Variants in TMEM108 observed in about 807,000 individuals in gnomAD.
TMEM108 encodes the protein cancer/testis antigen 124.
TMEM108 carries 12 observed loss-of-function variants against 35.1 expected under a neutral mutation model. The ratio of observed to expected loss-of-function variants is 0.34; its 90% CI spans 0.22 to 0.55. The LOEUF is 0.55. Among genes scored for constraint, TMEM108 ranks in the 20% least tolerant of loss-of-function variants. The pLI, the probability that TMEM108 is intolerant of heterozygous loss-of-function variation, is 0.89. For missense variants in TMEM108, 680 were observed against 753.3 expected (o/e 0.90, Z 1.14); for synonymous variants, 287 against 308.6 (o/e 0.93, Z 0.73).
intron 3 of TMEM108, among the ~76,000 whole-genome samples, chr3:133,336,056 A>G (rs1383144627): frequency 6.6e-6 from 1 of 152,134 alleles, no homozygotes; most frequent in East Asian, 1.9e-4. Context: ...AGTAGTTGGA[A>G]CTTGAGTTCT....
intron 2 of TMEM108, among the ~76,000 whole-genome samples, chr3:133,163,359 G>A (rs1237844286): frequency 2.0e-5 from 3 of 152,208 alleles, no homozygotes; most frequent in African/African-American, 7.2e-5. Flanking sequence ...CAAGAGAAGT[G>A]TGGGAACTAC....
intron 2 of TMEM108, among the ~76,000 whole-genome samples, chr3:133,161,888 A>C (rs1031609232): frequency 1.3e-5 from 2 of 152,154 alleles, no homozygotes; most frequent in Non-Finnish European, 2.9e-5. Flanking sequence ...AAGTGTCTTC[A>C]GGTGCTGTTG....
intron 2 of TMEM108, among the ~76,000 whole-genome samples, chr3:133,137,647 A>T (rs1944583490): frequency 6.6e-6 from 1 of 152,168 alleles, no homozygotes; most frequent in African/African-American, 2.4e-5. Context: ...CCTTGTCACA[A>T]GGATAGATTA....
At chr3:133,306,386 C>CT (rs1226145915) in intron 3 of TMEM108, among the ~76,000 whole-genome samples, 2 of 152,076 alleles carry the variant, frequency 1.3e-5, no homozygotes, top group Non-Finnish European at 2.9e-5. Context: ...TTTTATTATA[C>CT]TTTAAGTTCT....
chr3:133,053,278 C>A (rs1943428185), intron 2 of TMEM108, among the ~76,000 whole-genome samples: 1 of 152,154 alleles, frequency 6.6e-6, no homozygotes, highest in Non-Finnish European at 1.5e-5. Context: ...TGAAAGTAGA[C>A]TCTTGTCTAC....
At chr3:133,115,133 A>G (rs913608117) in intron 2 of TMEM108, among the ~76,000 whole-genome samples, 1 of 152,248 alleles carries the variant, frequency 6.6e-6, no homozygotes, top group African/African-American at 2.4e-5. Flanking sequence ...AAATTGGGAA[A>G]AAATGGATTA....
intron 2 of TMEM108, among the ~76,000 whole-genome samples, chr3:133,140,024 C>T (rs766541421): frequency 2.8e-4 from 42 of 152,178 alleles, no homozygotes; most frequent in Non-Finnish European, 5.4e-4. Context: ...ACAGATTCCA[C>T]TGTTGTTACT....
intron 3 of TMEM108, among the ~76,000 whole-genome samples, chr3:133,335,730 C>T (rs548500866): frequency 6.6e-6 from 1 of 152,220 alleles, no homozygotes; most frequent in African/African-American, 2.4e-5. Context: ...AAAACACCTT[C>T]AAAAGAACCA....
intron 3 of TMEM108, among the ~76,000 whole-genome samples, chr3:133,377,000 G>A (rs2072862373): frequency 6.6e-6 from 1 of 152,138 alleles, no homozygotes; most frequent in South Asian, 2.1e-4. Context: ...CTTGCAGATG[G>A]CGTCCTCTAG....
chr3:133,241,324 G>T (rs1285937525), intron 3 of TMEM108, among the ~76,000 whole-genome samples: 1 of 152,120 alleles, frequency 6.6e-6, no homozygotes, highest in Non-Finnish European at 1.5e-5. Flanking sequence ...TCCCTCTCCT[G>T]TTCATCCATT....
chr3:133,127,659 T>C (rs539937441), intron 2 of TMEM108, among the ~76,000 whole-genome samples: 1 of 152,340 alleles, frequency 6.6e-6, no homozygotes, highest in East Asian at 1.9e-4. Context: ...CCTCTTGTCT[T>C]CCACTCCAGG....
chr3:133,242,327 G>A (rs536326848), intron 3 of TMEM108, among the ~76,000 whole-genome samples: 10 of 152,268 alleles, frequency 6.6e-5, no homozygotes, highest in African/African-American at 2.4e-4. Flanking sequence ...GCATAGTGCC[G>A]AGTTCAGAAA....
intron 2 of TMEM108, among the ~76,000 whole-genome samples, chr3:133,143,510 T>C (rs776122414): frequency 2.0e-5 from 3 of 152,232 alleles, no homozygotes; most frequent in Non-Finnish European, 4.4e-5. Context: ...GCAAAACTGC[T>C]TATGAAGCAT....
rs149301133 is a variant in TMEM108, at chr3:133,359,096, C to T, written c.41-20656C>T. Among the ~76,000 whole-genome samples, 493 of 152,278 alleles carry T rather than the reference C, an allele frequency of 3.2e-3. 6 individuals are homozygous for T. The highest frequency in any genetic ancestry group is 0.011 in the African/African-American group (461 of 41,556). On this transcript the variant is annotated intron_variant, in intron 3 of 5. Transcript: ENST00000321871. ...TGAGTACTGTAATTTTGGTCAGGAC[C>T]ATATCCATCAAGCCTATAATGTTTA... is the stretch of plus-strand genomic sequence containing the variant.
chr3:133,179,256 C>G lies in TMEM108; in HGVS notation c.-46-50010C>G, dbSNP rs1425238966. 4.6e-5 allele frequency among the ~76,000 whole-genome samples: 7 copies of G among 152,220 alleles called. No individual in the cohort carries two copies. In the East Asian group the frequency reaches 1.4e-3, roughly 29 times the overall value. Reference sequence around the variant, plus strand: ...TGTGGAAGTCAGTGTGGCGATTCCTCAGAGATCTAGAACTAGAAATACCAT... The same window carrying G: ...TGTGGAAGTCAGTGTGGCGATTCCTGAGAGATCTAGAACTAGAAATACCAT... On this transcript the variant is annotated intron_variant, in intron 2 of 5. Transcript: ENST00000321871.
chr3:133,171,491 C>G (rs1025394763), intron 2 of TMEM108, among the ~76,000 whole-genome samples: 1 of 152,154 alleles, frequency 6.6e-6, no homozygotes. Context: ...ATTCTCCTGC[C>G]TCAGTGTCCC....
chr3:133,314,027 G>T (rs970133637), intron 3 of TMEM108, among the ~76,000 whole-genome samples: 3 of 152,030 alleles, frequency 2.0e-5, no homozygotes, highest in Non-Finnish European at 4.4e-5. Flanking sequence ...CCTTTCTGCT[G>T]TCTTATTAAT....
intron 2 of TMEM108, among the ~76,000 whole-genome samples, chr3:133,103,967 A>T (rs73211517): frequency 0.016 from 2,366 of 152,326 alleles, 19 homozygotes; most frequent in Middle Eastern, 0.031. Context: ...TTGTGAAACC[A>T]AAGAGTTCAT....
chr3:133,327,661 C>T (rs1404994078), intron 3 of TMEM108, among the ~76,000 whole-genome samples: 3 of 152,136 alleles, frequency 2.0e-5, no homozygotes, highest in Non-Finnish European at 4.4e-5. Context: ...CCTTGTCAGT[C>T]TTGCTACTTC....
Sources: gnomAD v4.1 joint callset for allele counts (sites outside exome capture counted in the v4.1 genomes callset) on GRCh38, gnomAD v4.1.1 for gene constraint, MANE v1.5 for transcripts, NCBI Gene and HGNC (gene_info 2026-07-23, HGNC 2026-07-21) for gene names.